Variants in MYO5B observed in about 807,000 individuals in gnomAD.
The protein encoded by MYO5B is myosin VB, also known as unconventional myosin-Vb.
MYO5B carries 143 observed loss-of-function variants against 229.3 expected under a neutral mutation model. The ratio of observed to expected loss-of-function variants is 0.62; its 90% CI spans 0.54 to 0.72. MYO5B has a LOEUF of 0.72. Among genes scored for constraint, MYO5B ranks in the 30% least tolerant of loss-of-function variants. The pLI, the probability that MYO5B is intolerant of heterozygous loss-of-function variation, is 0.00. For synonymous variants in MYO5B, 918 were observed against 885.2 expected, an observed-to-expected ratio of 1.04 and a Z score of -0.66; for missense variants, 2,321 against 2,331.0, an observed-to-expected ratio of 1.00 and a Z score of 0.09.
At chr18:49,941,537 G>A (rs938491001) in intron 14 of MYO5B, among the ~76,000 whole-genome samples, 2 of 152,154 alleles carry the variant, frequency 1.3e-5, no homozygotes, top group Non-Finnish European at 2.9e-5. Flanking sequence ...GGATACTGAT[G>A]ATATTGTTGT....
At chr18:50,076,073 T>C (rs779503614) in intron 1 of MYO5B, among the ~76,000 whole-genome samples, 3 of 152,122 alleles carry the variant, frequency 2.0e-5, no homozygotes, top group African/African-American at 7.2e-5. Context: ...ATTTGAAAAA[T>C]AGTCTCAAAA....
rs748649351 is a variant in MYO5B, at chr18:49,902,585, G to A, written c.2811+9C>T. 4.6e-5 allele frequency: 74 copies of A among 1,610,582 alleles called. No homozygotes were observed. The highest frequency in any genetic ancestry group is 6.0e-5 in the Non-Finnish European group (71 of 1,180,034). On this transcript the variant is annotated intron_variant, in intron 21 of 39. Coordinates refer to ENST00000285039, the MANE Select transcript of MYO5B (RefSeq NM_001080467.3). ...CCCGACACCCAGGTAGGGAGCTGCA[G>A]ACACTGACCTGCTCATCGATCTTCC... is the stretch of plus-strand genomic sequence containing the variant.
intron 1 of MYO5B, among the ~76,000 whole-genome samples, chr18:50,136,848 A>T (rs2144279952): frequency 1.3e-5 from 2 of 152,346 alleles, no homozygotes; most frequent in Middle Eastern, 3.4e-3. Context: ...AAGGCATTCA[A>T]TAAATTACCA....
At position 50,145,497 on chromosome 18, in the gene MYO5B, C is replaced by CAAAAAAAAAAAA. The variant is rs369507800; in HGVS notation, c.27+49258_27+49269dup. Among the ~76,000 whole-genome samples the CAAAAAAAAAAAA allele has an allele frequency of 8.6e-5, 6 of 70,006 alleles. No homozygotes were observed. In the East Asian group the frequency reaches 1.4e-3, roughly 17 times the overall value. The allele number at this position is 70,006 out of a possible 152,430, so 45.9% of individuals were successfully genotyped here. On this transcript the variant is annotated intron_variant, in intron 1 of 39. Coordinates refer to ENST00000285039, the MANE Select transcript of MYO5B (RefSeq NM_001080467.3). ...TGGGCAACAGAGCAAGACTCCATCTCAAAAAAAAAAAAAAAAAAAAAAAAA... is the reference window on the plus strand; with the variant it reads ...TGGGCAACAGAGCAAGACTCCATCTCAAAAAAAAAAAAAAAAAAAAAAAAAAAAAAAAAAAAA...
rs2024140839 is a variant in MYO5B at position 49,847,237 on chromosome 18, C to A, written c.4368G>T (p.Gln1456His). Residue 1456 changes from glutamine to histidine, a missense_variant, in exon 33 of 40, where the codon CAG becomes CAT. Physicochemically the swap from Gln to His is conservative, Grantham distance 24. Around this residue, in one of 2 missense-constraint regions of MYO5B, gnomAD observed 2,113 missense variants for 2,044.7 expected, o/e 1.03. Coordinates refer to ENST00000285039, the MANE Select transcript of MYO5B (RefSeq NM_001080467.3). ...SERKRHELNRQVTVQRKEKDF... is the reference protein window; with the variant it reads ...SERKRHELNRHVTVQRKEKDF... ...CCTTCTCTTTCCGCTGGACCGTGAC[C>A]TGCCTGTTGAGCTCATGGCGCTTCC... 1 of 1,613,968 alleles carries A rather than the reference C, an allele frequency of 6.2e-7. No homozygotes were observed. Among genetic ancestry groups the A allele is most frequent in the African/African-American group, 1.3e-5 (1 of 74,916 alleles).
intron 3 of MYO5B, among the ~76,000 whole-genome samples, chr18:50,038,854 A>G (rs182734568): frequency 1.6e-4 from 24 of 152,300 alleles, no homozygotes; most frequent in Admixed American, 1.1e-3. Flanking sequence ...TTTGAAGTAA[A>G]TATCTTATTA....
intron 10 of MYO5B, among the ~76,000 whole-genome samples, chr18:49,964,293 T>A (rs2025597173): frequency 6.6e-6 from 1 of 152,260 alleles, no homozygotes; most frequent in Non-Finnish European, 1.5e-5. Flanking sequence ...TTAATCATCT[T>A]TATTGAGTTA....
chr18:50,157,407 A>C (rs1012481664), intron 1 of MYO5B, among the ~76,000 whole-genome samples: 5 of 152,150 alleles, frequency 3.3e-5, no homozygotes, highest in Non-Finnish European at 7.3e-5. Context: ...TCTAACCACC[A>C]AAATATCCTA....
rs374036327 is a variant in MYO5B, at chr18:49,974,472, C to T, written c.1200G>A (p.Ala400=). 37 of 1,614,054 alleles carry T rather than the reference C, an allele frequency of 2.3e-5. No homozygotes were observed. Among genetic ancestry groups the T allele is most frequent in the Admixed American group, 1.3e-4 (8 of 60,002 alleles). Residue 400 remains alanine (A), a synonymous_variant, in exon 10 of 40, where the codon GCG becomes GCA. Coordinates refer to ENST00000285039, the MANE Select transcript of MYO5B (RefSeq NM_001080467.3). The stretch of plus-strand genomic sequence containing the variant: ...AGATGTGCTTCGCCAGGGCGTTGCG[C>T]GCATTGATCACCTGCTGCAGGGACA... ...KTMSLQQVIN[A]RNALAKHIYA...
chr18:50,144,750 G>A (rs939561287), intron 1 of MYO5B, among the ~76,000 whole-genome samples: 1 of 152,174 alleles, frequency 6.6e-6, no homozygotes, highest in African/African-American at 2.4e-5. Flanking sequence ...GAAGTGTATG[G>A]ATTATGAATG....
intron 1 of MYO5B, among the ~76,000 whole-genome samples, chr18:50,162,795 A>G (rs563063398): frequency 3.9e-5 from 6 of 152,350 alleles, no homozygotes; most frequent in African/African-American, 1.4e-4. Flanking sequence ...AGAGGTCAGC[A>G]CAGTACTGCC....
intron 5 of MYO5B, among the ~76,000 whole-genome samples, chr18:49,994,109 C>A (rs1203928315): frequency 6.6e-6 from 1 of 152,110 alleles, no homozygotes; most frequent in Admixed American, 6.6e-5. Context: ...GCATCGATGT[C>A]GCTTCTTCAG....
chr18:49,936,661 G>T (rs1449634647), intron 15 of MYO5B, among the ~76,000 whole-genome samples: 1 of 152,136 alleles, frequency 6.6e-6, no homozygotes, highest in Non-Finnish European at 1.5e-5. Flanking sequence ...GGAGAGATTT[G>T]GTCACTGTGC....
At chr18:50,047,045 TA>T (rs1418193383) in intron 2 of MYO5B, among the ~76,000 whole-genome samples, 3 of 152,100 alleles carry the variant, frequency 2.0e-5, no homozygotes, top group African/African-American at 7.2e-5. Flanking sequence ...ACTTCATGTC[TA>T]AAACACCAAA....
chr18:49,966,543 G>A (rs1030295550), intron 10 of MYO5B, among the ~76,000 whole-genome samples: 1 of 152,158 alleles, frequency 6.6e-6, no homozygotes, highest in Non-Finnish European at 1.5e-5. Flanking sequence ...AGCCCCAGAG[G>A]AAATTGAATT....
chr18:50,082,666 C>T (rs1568099589), intron 1 of MYO5B, among the ~76,000 whole-genome samples: 3 of 152,166 alleles, frequency 2.0e-5, no homozygotes, highest in Non-Finnish European at 4.4e-5. Context: ...ATATCCCTTC[C>T]AACTTCTGTC....
Position 49,826,549 on chromosome 18 carries a change from T to TGGAAACAAAACA in MYO5B, c.5457_5468dup (p.Val1820_Pro1823dup). ...CCATGGTTAGAGAAGATGGATTAAA[T>TGGAAACAAAACA]GGAAACAAAACAGGAAACATGTGCT... On this transcript the variant is annotated inframe_insertion, in exon 40 of 40. Transcript: ENST00000285039. 1 of 1,614,080 alleles carries TGGAAACAAAACA rather than the reference T, an allele frequency of 6.2e-7. No individual in the cohort carries two copies. The highest frequency in any genetic ancestry group is 1.1e-5 in the South Asian group (1 of 91,084).
chr18:49,843,447 G>A, intron 33 of MYO5B, 55 bp from the exon 34 acceptor site: 1 of 1,584,578 alleles, frequency 6.3e-7, no homozygotes, highest in Admixed American at 1.7e-5. Context: ...GACAATGGAG[G>A]CTGTCAGAAT....
intron 16 of MYO5B, among the ~76,000 whole-genome samples, chr18:49,935,861 G>A (rs940560747): frequency 1.3e-5 from 2 of 152,186 alleles, no homozygotes; most frequent in Admixed American, 6.5e-5. Flanking sequence ...ATGTCCTATC[G>A]TCCAACACAT....
Sources: allele counts gnomAD v4.1 joint callset (sites outside exome capture counted in the v4.1 genomes callset), GRCh38; gene constraint gnomAD v4.1.1; regional missense constraint gnomAD v4.1.1; transcripts MANE v1.5; gene names NCBI Gene and HGNC (gene_info 2026-07-23, HGNC 2026-07-21).